AK5: variants seen among roughly 807,000 people sequenced by gnomAD.
AK5 encodes adenylate kinase isoenzyme 5.
Under a neutral mutation model 69.5 loss-of-function variants are expected in AK5, and 27 were observed. The observed-to-expected ratio is 0.39, with a 90% CI of 0.29 to 0.54. The LOEUF is 0.54. AK5 is among the 20% of genes least tolerant of loss of function. The probability of loss-of-function intolerance (pLI) is 0.71; values close to 1 mark genes in which losing one functional copy is unlikely to be tolerated. For missense variants in AK5, 531 were observed against 700.4 expected (o/e 0.76, Z 2.73); for synonymous variants, 260 against 244.4 (o/e 1.06, Z -0.60).
intron 8 of AK5, among the ~76,000 whole-genome samples, chr1:77,464,229 G>C (rs1177876770): frequency 6.6e-6 from 1 of 152,166 alleles, no homozygotes; most frequent in Non-Finnish European, 1.5e-5. Flanking sequence ...CTCAAGGCCA[G>C]AGTCCCCTGC....
chr1:77,515,485 T>C (rs1379158214), intron 10 of AK5, among the ~76,000 whole-genome samples: 1 of 152,202 alleles, frequency 6.6e-6, no homozygotes, highest in Non-Finnish European at 1.5e-5. Flanking sequence ...ATGGTAAATG[T>C]TTCCTTTTAG....
chr1:77,366,525 G>T (rs1646952566), intron 6 of AK5, among the ~76,000 whole-genome samples: 1 of 152,142 alleles, frequency 6.6e-6, no homozygotes, highest in African/African-American at 2.4e-5. Context: ...TCCCTGCCAA[G>T]ATGCAAAGCC....
intron 5 of AK5, among the ~76,000 whole-genome samples, chr1:77,339,886 C>G (rs1233022127): frequency 6.6e-6 from 1 of 152,052 alleles, no homozygotes; most frequent in Non-Finnish European, 1.5e-5. Flanking sequence ...TCCCAAAGTG[C>G]TGAAATTACA....
intron 13 of AK5, among the ~76,000 whole-genome samples, chr1:77,548,678 T>C (rs1424006961): frequency 6.6e-6 from 1 of 152,184 alleles, no homozygotes; most frequent in African/African-American, 2.4e-5. Flanking sequence ...ATAGGCAATG[T>C]TTGGACCAGC....
At position 77,515,765 on chromosome 1, in the gene AK5, A is replaced by G. The variant is rs548611255; in HGVS notation, c.1148-2799A>G. ...CCTTGATCATTAAAAAAAAGGATGA[A>G]TGTGACCGGGCACAGTGGCTCAGGC... On this transcript the variant is annotated intron_variant, in intron 10 of 13. Coordinates refer to ENST00000354567, the MANE Select transcript of AK5 (RefSeq NM_174858.3). Among the ~76,000 whole-genome samples, 107 of 152,264 alleles carry G rather than the reference A, an allele frequency of 7.0e-4. 1 individual carries two copies. Among genetic ancestry groups the G allele is most frequent in the African/African-American group, 2.4e-3 (101 of 41,548 alleles).
At chr1:77,413,112 A>G (rs1009590953) in intron 7 of AK5, among the ~76,000 whole-genome samples, 1 of 152,066 alleles carries the variant, frequency 6.6e-6, no homozygotes, top group African/African-American at 2.4e-5. Context: ...GCACAGAAGA[A>G]AGCCCCAAAT....
At chr1:77,379,839 A>C (rs1570471475) in intron 6 of AK5, among the ~76,000 whole-genome samples, 1 of 152,222 alleles carries the variant, frequency 6.6e-6, no homozygotes, top group East Asian at 1.9e-4. Flanking sequence ...TCTAACAAAC[A>C]TAAATAACGT....
Position 77,536,005 on chromosome 1 carries a change from C to T in AK5, c.1587C>T (p.Ile529=), listed in dbSNP as rs754808888. Residue 529 remains isoleucine (I), a synonymous_variant, in exon 13 of 14, where the codon ATC becomes ATT. Coordinates refer to ENST00000354567, the MANE Select transcript of AK5 (RefSeq NM_174858.3). ...ACTACCGAGCGTCCATCCCCGTGATCGCCTACTACGAGACAAAAACACAGC... is the reference window on the plus strand; with the variant it reads ...ACTACCGAGCGTCCATCCCCGTGATTGCCTACTACGAGACAAAAACACAGC... ...EAYYRASIPV[I]AYYETKTQLH... 11 of 1,613,852 alleles carry T rather than the reference C, an allele frequency of 6.8e-6. No individual in the cohort carries two copies. The highest frequency in any genetic ancestry group is 1.1e-5 in the South Asian group (1 of 91,032).
intron 6 of AK5, among the ~76,000 whole-genome samples, chr1:77,353,157 C>G (rs1662302978): frequency 6.6e-6 from 1 of 152,164 alleles, no homozygotes; most frequent in African/African-American, 2.4e-5. Flanking sequence ...ATTTTAATCA[C>G]TCACCTCTGT....
intron 12 of AK5, among the ~76,000 whole-genome samples, chr1:77,532,948 A>G (rs563114859): frequency 2.0e-5 from 3 of 152,264 alleles, no homozygotes; most frequent in Non-Finnish European, 4.4e-5. Flanking sequence ...AGCTACTCCA[A>G]GGGACTTTCT....
At chr1:77,321,246 C>T (rs1391984484) in intron 5 of AK5, among the ~76,000 whole-genome samples, 6 of 152,030 alleles carry the variant, frequency 3.9e-5, no homozygotes, top group African/African-American at 9.6e-5. Flanking sequence ...CTGAGGTGGG[C>T]GGATCACCTG....
At chr1:77,455,224 G>C (rs1280789764) in intron 8 of AK5, among the ~76,000 whole-genome samples, 1 of 152,154 alleles carries the variant, frequency 6.6e-6, no homozygotes, top group African/African-American at 2.4e-5. Context: ...GCTGTAATCT[G>C]AATGATTGTT....
intron 8 of AK5, among the ~76,000 whole-genome samples, chr1:77,465,721 T>A (rs998848173): frequency 6.6e-6 from 1 of 152,212 alleles, no homozygotes; most frequent in African/African-American, 2.4e-5. Flanking sequence ...GCACTGGATG[T>A]GACCCCAAAC....
intron 12 of AK5, among the ~76,000 whole-genome samples, chr1:77,533,578 A>C (rs1658786001): frequency 6.6e-6 from 1 of 150,688 alleles, no homozygotes; most frequent in African/African-American, 2.4e-5. Context: ...CTGAGAGTCT[A>C]TATTTCTAAC....
intron 8 of AK5, among the ~76,000 whole-genome samples, chr1:77,482,914 C>T (rs1448765723): frequency 1.4e-5 from 2 of 144,300 alleles, no homozygotes; most frequent in Non-Finnish European, 3.0e-5. Context: ...GTGATCACAC[C>T]TACCACTAAG....
At chr1:77,503,879 T>C (rs1656871581) in intron 10 of AK5, among the ~76,000 whole-genome samples, 1 of 150,132 alleles carries the variant, frequency 6.7e-6, no homozygotes. Context: ...TACTCCAGCC[T>C]GGGTGACAAG....
Position 77,372,924 on chromosome 1 carries a change from T to A in AK5, c.891+32356T>A, listed in dbSNP as rs552644952. On this transcript the variant is annotated intron_variant, in intron 6 of 13. Transcript: ENST00000354567. ...TCAGTGGCCGCCTTGTATTCTATTA[T>A]AGGGATCTATGTCATTTGTTTCACC... Among the ~76,000 whole-genome samples, 10 of 152,320 alleles carry A rather than the reference T, an allele frequency of 6.6e-5. No individual in the cohort carries two copies. The South Asian group carries it at 2.1e-3, about 32-fold the overall frequency.
intron 6 of AK5, among the ~76,000 whole-genome samples, chr1:77,344,655 A>G (rs1184326163): frequency 1.3e-5 from 2 of 152,086 alleles, no homozygotes; most frequent in Non-Finnish European, 2.9e-5. Context: ...TGTCTGTTTC[A>G]TGATAATTTT....
chr1:77,504,030 G>A (rs1008549886), intron 10 of AK5, among the ~76,000 whole-genome samples: 2 of 152,018 alleles, frequency 1.3e-5, no homozygotes, highest in African/African-American at 2.4e-5. Flanking sequence ...CACTTTTCTT[G>A]TGATTTATGT....
Sources: allele counts gnomAD v4.1 joint callset (sites outside exome capture counted in the v4.1 genomes callset), GRCh38; gene constraint gnomAD v4.1.1; transcripts MANE v1.5; gene names NCBI Gene and HGNC (gene_info 2026-07-23, HGNC 2026-07-21).